The following GRP variants were observed in gnomAD, a reference collection of about 807,000 sequenced individuals.
GRP encodes the protein gastrin releasing peptide.
Under a neutral mutation model 12.7 loss-of-function variants are expected in GRP, and 11 were observed. The ratio of observed to expected loss-of-function variants is 0.87; its 90% confidence interval spans 0.55 to 1.44. The LOEUF (loss-of-function observed/expected upper bound fraction) is 1.44. Among genes scored for constraint, GRP ranks in the 40% most tolerant of loss-of-function variants. The pLI is 0.00. For synonymous variants in GRP, 84 were observed against 77.7 expected (o/e 1.08, Z -0.43); for missense variants, 212 against 185.4 (o/e 1.14, Z -0.83).
At chr18:59,222,680 C>T (rs2069853870) in intron 1 of GRP, among the ~76,000 whole-genome samples, 1 of 152,168 alleles carries the variant, frequency 6.6e-6, no homozygotes, top group Non-Finnish European at 1.5e-5. Context: ...TTATATAAAA[C>T]CAAAGCTACA....
Position 59,224,273 on chromosome 18 carries a change from C to A in GRP, c.140-1219C>A, listed in dbSNP as rs142994257. On this transcript the variant is annotated intron_variant, in intron 1 of 2. Transcript: ENST00000256857. ...TCACCAAACCAATTAGCATATGGATCAAATGAAATCCAGCACATTTAAACA... is the reference window on the plus strand; with the variant it reads ...TCACCAAACCAATTAGCATATGGATAAAATGAAATCCAGCACATTTAAACA... Among the ~76,000 whole-genome samples the A allele has an allele frequency of 3.9e-3, 593 of 152,262 alleles. 3 individuals carry two copies. Among genetic ancestry groups the A allele is most frequent in the African/African-American group, 0.013 (555 of 41,544 alleles).
intron 2 of GRP, among the ~76,000 whole-genome samples, chr18:59,228,264 T>C (rs534384592): frequency 6.6e-6 from 1 of 152,316 alleles, no homozygotes; most frequent in African/African-American, 2.4e-5. Flanking sequence ...AATGATCTTA[T>C]TCAAAAAGAA....
At position 59,230,303 on chromosome 18, in the gene GRP, C is replaced by T. The variant is rs2070011314; in HGVS notation, c.383-101C>T. The T allele has an allele frequency of 6.6e-6, 5 of 756,056 alleles. No homozygotes were observed. The Admixed American group carries it at 1.0e-4, about 15-fold the overall frequency. The allele number at this position is 756,056 out of a possible 1,614,324, so 46.8% of individuals were successfully genotyped here. A position where few individuals can be genotyped will look rare whatever the true frequency, so the allele number is the denominator to read the frequency against. On this transcript the variant is annotated intron_variant, in intron 2 of 2. Coordinates refer to ENST00000256857, the MANE Select transcript of GRP (RefSeq NM_002091.5). ...CTGAACCAAGAATTTGCCTTTCTAA[C>T]AAGCTCCCAAGTGATGCTGATGACT...
At chr18:59,219,978 G>T (rs1046013642), upstream of GRP, among the ~76,000 whole-genome samples, 1 of 152,182 alleles carries the variant, frequency 6.6e-6, no homozygotes. Flanking sequence ...AAAAAGAGGG[G>T]GCAATGTACA....
At chr18:59,221,692 G>A (rs1388379086) in intron 1 of GRP, among the ~76,000 whole-genome samples, 1 of 152,016 alleles carries the variant, frequency 6.6e-6, no homozygotes, top group East Asian at 1.9e-4. Context: ...TCATATATCG[G>A]CTGATTCACA....
chr18:59,228,388 A>T (rs2069977363), intron 2 of GRP, among the ~76,000 whole-genome samples: 1 of 152,258 alleles, frequency 6.6e-6, no homozygotes, highest in East Asian at 1.9e-4. Flanking sequence ...AATTAGCAGC[A>T]GGAGTTTTCA....
chr18:59,225,439 T>A, intron 1 of GRP, 53 bp from the exon 2 acceptor site: 1 of 1,543,654 alleles, frequency 6.5e-7, no homozygotes, highest in Non-Finnish European at 8.8e-7. Flanking sequence ...TCTCATTCAT[T>A]CCCTTTGGTT....
Position 59,230,580 on chromosome 18 carries a change from T to C in GRP, c.*112T>C, listed in dbSNP as rs1313227702. ...TTTCCTTGTGCAAAATATTTGACTA[T>C]TCTGTATCTTTCATCCTTGACTAAA... is the stretch of plus-strand genomic sequence containing the variant. On this transcript the variant is annotated 3_prime_UTR_variant, in exon 3 of 3. Transcript: ENST00000256857. 1.5e-6 allele frequency: 1 copy of C among 683,618 alleles called. No homozygotes were observed. The highest frequency in any genetic ancestry group is 2.7e-6 in the Non-Finnish European group (1 of 372,114). The allele number at this position is 683,618 out of a possible 1,614,324, so 42.3% of individuals were successfully genotyped here.
chr18:59,227,176 C>G (rs1474292244), intron 2 of GRP, among the ~76,000 whole-genome samples: 1 of 151,592 alleles, frequency 6.6e-6, no homozygotes, highest in Non-Finnish European at 1.5e-5. Context: ...TTCCCTCAGC[C>G]TTGGCCTCCC....
chr18:59,224,989 A>T (rs1034652351), intron 1 of GRP, among the ~76,000 whole-genome samples: 2 of 152,192 alleles, frequency 1.3e-5, no homozygotes, highest in Non-Finnish European at 2.9e-5. Flanking sequence ...GGAAAGAAAT[A>T]TTTTTAAAAA....
intron 2 of GRP, among the ~76,000 whole-genome samples, chr18:59,228,339 G>A (rs1164325060): frequency 6.6e-6 from 1 of 152,214 alleles, no homozygotes; most frequent in Non-Finnish European, 1.5e-5. Context: ...TTATGGGAGT[G>A]TTAGAGGGAA....
intron 1 of GRP, 120 bp downstream of exon 1, chr18:59,220,524 G>A: frequency 5.8e-6 from 5 of 855,980 alleles, no homozygotes; most frequent in Middle Eastern, 2.5e-4. Context: ...TGGGTTTGTT[G>A]TGACCTTTCT....
chr18:59,220,539 G>T (rs938708182), intron 1 of GRP, 135 bp downstream of exon 1: 1 of 673,880 alleles, frequency 1.5e-6, no homozygotes. Context: ...CTTTCTATCG[G>T]CAAACACCTT....
At chr18:59,219,399 C>CAG (rs144735851), upstream of GRP, among the ~76,000 whole-genome samples, 4 of 137,182 alleles carry the variant, frequency 2.9e-5, no homozygotes, top group East Asian at 4.3e-4. Flanking sequence ...GAGAGAGAGA[C>CAG]AGAGAGAGAG....
chr18:59,226,407 T>C (rs1341366905), intron 2 of GRP, among the ~76,000 whole-genome samples: 1 of 152,168 alleles, frequency 6.6e-6, no homozygotes, highest in African/African-American at 2.4e-5. Context: ...AACTTTTAAG[T>C]TTCCATGAAA....
In GRP at chr18:59,220,203, G is replaced by C; in HGVS notation, c.-63G>C. On this transcript the variant is annotated 5_prime_UTR_variant, in exon 1 of 3. Coordinates refer to ENST00000256857, the MANE Select transcript of GRP (RefSeq NM_002091.5). ...CGGCGGCGGAGCTCCTCCGAGGTCC[G>C]GGTCACCAGTCTCTGCTCTTCCCAG... 1 of 1,285,464 alleles carries C rather than the reference G, an allele frequency of 7.8e-7. No homozygotes were observed. Among genetic ancestry groups the C allele is most frequent in the Non-Finnish European group, 1.0e-6 (1 of 1,001,820 alleles). The allele number at this position is 1,285,464 out of a possible 1,614,324, so 79.6% of individuals were successfully genotyped here. A position where few individuals can be genotyped will look rare whatever the true frequency, so the allele number is the denominator to read the frequency against.
intron 2 of GRP, among the ~76,000 whole-genome samples, 189 bp from the exon 3 acceptor site, chr18:59,230,215 G>A (rs1009688569): frequency 1.3e-5 from 2 of 152,088 alleles, no homozygotes; most frequent in African/African-American, 2.4e-5. Flanking sequence ...TCACCTGCAG[G>A]GCTTGTGAAA....
chr18:59,230,488 AAG>A lies in GRP; in HGVS notation c.*24_*25del. The A allele has an allele frequency of 6.8e-7, 1 of 1,468,554 alleles. No homozygotes were observed. Among genetic ancestry groups the A allele is most frequent in the Non-Finnish European group, 9.6e-7 (1 of 1,047,118 alleles). 91.0% of individuals were successfully genotyped at this position (1,468,554 alleles called of 1,614,324 possible). A position where few individuals can be genotyped will look rare whatever the true frequency, so the allele number is the denominator to read the frequency against. ...CAATGATAATGATGGCCTCTCTCAAAAGAGAAAAACAAAACCCCTAAGAGACT... is the reference window on the plus strand; with the variant it reads ...CAATGATAATGATGGCCTCTCTCAAAAGAAAAACAAAACCCCTAAGAGACT... On this transcript the variant is annotated 3_prime_UTR_variant, in exon 3 of 3. Coordinates refer to ENST00000256857, the MANE Select transcript of GRP (RefSeq NM_002091.5).
At chr18:59,221,815 G>A (rs1225641843) in intron 1 of GRP, among the ~76,000 whole-genome samples, 1 of 152,126 alleles carries the variant, frequency 6.6e-6, no homozygotes, top group Non-Finnish European at 1.5e-5. Context: ...TCTTTGGGCT[G>A]CAATAGAGTG....
Sources: gnomAD v4.1 joint callset for allele counts (sites outside exome capture counted in the v4.1 genomes callset) on GRCh38, gnomAD v4.1.1 for gene constraint, MANE v1.5 for transcripts, NCBI Gene and HGNC (gene_info 2026-07-23, HGNC 2026-07-21) for gene names.